Variants in VPS13B observed in about 807,000 individuals in gnomAD.
VPS13B encodes the protein intermembrane lipid transfer protein VPS13B.
VPS13B carries 285 observed loss-of-function variants against 426.4 expected under a neutral mutation model. That is an observed-to-expected ratio of 0.67 (90% confidence interval 0.61 to 0.74). The LOEUF (loss-of-function observed/expected upper bound fraction) is 0.74. Among genes scored for constraint, VPS13B ranks in the 30% least tolerant of loss-of-function variants. The pLI is 0.00. For missense variants in VPS13B, 4,537 were observed against 4,782.6 expected, an observed-to-expected ratio of 0.95 and a Z score of 1.51; for synonymous variants, 1,676 against 1,676.4, an observed-to-expected ratio of 1.00 and a Z score of 0.01.
chr8:99,020,807 C>A (rs1841847260), intron 2 of VPS13B, among the ~76,000 whole-genome samples: 1 of 152,086 alleles, frequency 6.6e-6, no homozygotes, highest in South Asian at 2.1e-4. Context: ...AATATGTCTG[C>A]CTTTATGATA....
chr8:99,429,287 A>G lies in VPS13B; in HGVS notation c.3083-2250A>G, dbSNP rs915960752. On this transcript the variant is annotated intron_variant, in intron 21 of 61. Transcript: ENST00000357162. ...CTAAAACTTAAAGTATAATAACCAAAAAAAAAAAAAAGAAAAAGTATGTCT... is the reference window on the plus strand; with the variant it reads ...CTAAAACTTAAAGTATAATAACCAAGAAAAAAAAAAAGAAAAAGTATGTCT... 6.0e-5 allele frequency among the ~76,000 whole-genome samples: 9 copies of G among 150,488 alleles called. 1 individual carries two copies. The highest frequency in any genetic ancestry group is 3.3e-4 in the Admixed American group (5 of 15,124).
chr8:99,728,721 G>A (rs1833460167), intron 39 of VPS13B, among the ~76,000 whole-genome samples: 1 of 152,182 alleles, frequency 6.6e-6, no homozygotes, highest in Non-Finnish European at 1.5e-5. Flanking sequence ...GACTCTGGTA[G>A]TATGTCGACT....
In VPS13B at chr8:99,742,430, A is replaced by G. The variant is rs568799702; in HGVS notation, c.7050+21383A>G. ...AGCTGGTACCATTCCTTCTGAAACT[A>G]TTCCAATCAATAGAAAAACAGAGGA... On this transcript the variant is annotated intron_variant, in intron 39 of 61. Transcript: ENST00000357162. Among the ~76,000 whole-genome samples, 246 of 152,316 alleles carry G rather than the reference A, an allele frequency of 1.6e-3. 1 individual carries two copies. Among genetic ancestry groups the G allele is most frequent in the African/African-American group, 5.5e-3 (228 of 41,558 alleles).
intron 21 of VPS13B, among the ~76,000 whole-genome samples, chr8:99,396,516 G>GCTTT (rs1814733708): frequency 6.6e-6 from 1 of 152,084 alleles, no homozygotes; most frequent in Non-Finnish European, 1.5e-5. Flanking sequence ...AATATTTCCT[G>GCTTT]CTTTCTTTCT....
intron 21 of VPS13B, among the ~76,000 whole-genome samples, chr8:99,427,489 A>G (rs1427929627): frequency 6.6e-6 from 1 of 151,938 alleles, no homozygotes; most frequent in African/African-American, 2.4e-5. Context: ...TTATACACCA[A>G]TAACAGACAA....
chr8:99,861,487 A>C (rs1447468592), intron 57 of VPS13B, among the ~76,000 whole-genome samples: 2 of 152,180 alleles, frequency 1.3e-5, no homozygotes, highest in African/African-American at 4.8e-5. Context: ...CTTTTCATAG[A>C]GACAGGGTTT....
intron 34 of VPS13B, among the ~76,000 whole-genome samples, chr8:99,646,747 G>A (rs1213248732): frequency 6.6e-6 from 1 of 152,088 alleles, no homozygotes; most frequent in Admixed American, 6.5e-5. Context: ...TCCTTTTAGT[G>A]ATAAGTAAGT....
chr8:99,312,331 G>T (rs1821034218), intron 19 of VPS13B, among the ~76,000 whole-genome samples: 2 of 152,066 alleles, frequency 1.3e-5, no homozygotes, highest in Admixed American at 6.6e-5. Context: ...CATGTTTATT[G>T]CTTCCTTCAG....
At chr8:99,105,570 G>A (rs1237821789) in intron 5 of VPS13B, among the ~76,000 whole-genome samples, 1 of 152,130 alleles carries the variant, frequency 6.6e-6, no homozygotes, top group Middle Eastern at 3.4e-3. Context: ...GTAGAGACGG[G>A]GTTTCACCAT....
At chr8:99,264,650 T>C (rs1588187636) in intron 17 of VPS13B, among the ~76,000 whole-genome samples, 1 of 152,184 alleles carries the variant, frequency 6.6e-6, no homozygotes, top group South Asian at 2.1e-4. Flanking sequence ...TTTGTCTGTC[T>C]GTCTTATATC....
intron 23 of VPS13B, among the ~76,000 whole-genome samples, chr8:99,443,635 A>T (rs560357651): frequency 6.6e-6 from 1 of 152,222 alleles, no homozygotes; most frequent in Admixed American, 6.5e-5. Flanking sequence ...AGATTGATTC[A>T]TGTTGTAGCA....
rs550216335 is a variant in VPS13B at position 99,437,898 on chromosome 8, G to A, written c.3211-4503G>A. ...GCAATAGTATGTAGCTGATAAAATA[G>A]AAATGTGCTGGCTAGAATTTACTCC... On this transcript the variant is annotated intron_variant, in intron 22 of 61. Transcript: ENST00000357162. Among the ~76,000 whole-genome samples, 12 of 152,054 alleles carry A rather than the reference G, an allele frequency of 7.9e-5. No homozygotes were observed. The East Asian group carries it at 1.9e-3, about 24-fold the overall frequency.
intron 19 of VPS13B, among the ~76,000 whole-genome samples, chr8:99,321,573 T>C (rs1161206791): frequency 1.3e-5 from 2 of 152,228 alleles, no homozygotes; most frequent in Non-Finnish European, 2.9e-5. Flanking sequence ...AGGGACATGA[T>C]ATTTTTCCTA....
chr8:99,021,620 C>CAA (rs112750710), intron 2 of VPS13B, among the ~76,000 whole-genome samples: 82 of 142,334 alleles, frequency 5.8e-4, no homozygotes, highest in African/African-American at 1.9e-3. Flanking sequence ...GACTCCATCT[C>CAA]AAAAAAAAAA....
Position 99,335,500 on chromosome 8 carries a change from A to G in VPS13B, c.2825-48708A>G, listed in dbSNP as rs189607206. Among the ~76,000 whole-genome samples the G allele has an allele frequency of 2.0e-5, 3 of 152,142 alleles. No individual in the cohort carries two copies. The East Asian group carries it at 5.8e-4, about 29-fold the overall frequency. On this transcript the variant is annotated intron_variant, in intron 19 of 61. Transcript: ENST00000357162. ...CTTTCTCTTGTGGGCATTTAGTGCT[A>G]TAAATTTGGCCAGGGCAATTAGGCA... is the stretch of plus-strand genomic sequence containing the variant.
At chr8:99,540,987 T>C (rs1823586451) in intron 30 of VPS13B, among the ~76,000 whole-genome samples, 1 of 152,160 alleles carries the variant, frequency 6.6e-6, no homozygotes, top group Non-Finnish European at 1.5e-5. Flanking sequence ...GTCGTTATTC[T>C]GCTTATAAAA....
intron 56 of VPS13B, among the ~76,000 whole-genome samples, chr8:99,855,438 G>A (rs547006960): frequency 2.6e-5 from 4 of 152,138 alleles, no homozygotes; most frequent in African/African-American, 7.2e-5. Context: ...TATGGTAATC[G>A]GCATCACAGT....
chr8:99,089,153 T>C (rs1275141964), intron 3 of VPS13B, among the ~76,000 whole-genome samples: 1 of 152,234 alleles, frequency 6.6e-6, no homozygotes, highest in Non-Finnish European at 1.5e-5. Context: ...TTAATCTCTT[T>C]ATGCCTTCGT....
chr8:99,501,978 C>A, intron 26 of VPS13B, 120 bp downstream of exon 26: 1 of 1,132,918 alleles, frequency 8.8e-7, no homozygotes, highest in Admixed American at 2.3e-5. Flanking sequence ...TCTGTCTTTC[C>A]GTCTGTCTGT....
Sources: gnomAD v4.1 joint callset for allele counts (sites outside exome capture counted in the v4.1 genomes callset) on GRCh38, gnomAD v4.1.1 for gene constraint, MANE v1.5 for transcripts, NCBI Gene and HGNC (gene_info 2026-07-23, HGNC 2026-07-21) for gene names.